Variants in MAGI1 observed in about 807,000 individuals in gnomAD.
MAGI1 encodes membrane associated guanylate kinase, WW and PDZ domain containing 1, also known as membrane-associated guanylate kinase, WW and PDZ domain-containing protein 1.
A neutral mutation model predicts 139.9 loss-of-function variants in MAGI1; 58 were observed. The ratio of observed to expected loss-of-function variants is 0.41; its 90% CI spans 0.34 to 0.52. The LOEUF (loss-of-function observed/expected upper bound fraction) is 0.52, where lower values mean the gene tolerates loss of function less well. Ranked by LOEUF, MAGI1 falls within the 20% of genes least tolerant of loss-of-function variation. MAGI1 has a pLI of 0.12. For synonymous variants in MAGI1, 812 were observed against 737.9 expected (o/e 1.10, Z -1.63); for missense variants, 1,874 against 1,901.6 (o/e 0.99, Z 0.27).
At chr3:66,032,202 G>A (rs1413606165) in intron 1 of MAGI1, among the ~76,000 whole-genome samples, 1 of 137,972 alleles carries the variant, frequency 7.2e-6, no homozygotes, top group Non-Finnish European at 1.6e-5. Flanking sequence ...ATTTTAGTGA[G>A]CACCTATTAT....
rs1015702105 is a variant in MAGI1 at position 65,495,934 on chromosome 3, C to T, written c.431-2303G>A. Among the ~76,000 whole-genome samples, 6 of 151,952 alleles carry T rather than the reference C, an allele frequency of 3.9e-5. 1 individual carries two copies. Among genetic ancestry groups the T allele is most frequent in the Admixed American group, 1.3e-4 (2 of 15,262 alleles). Reference sequence around the variant, plus strand: ...AAAAAGGGCTGGAAACGAAAGCAAGCGGCAAGATTACGTAGGCCATAGAAA... The same window carrying T: ...AAAAAGGGCTGGAAACGAAAGCAAGTGGCAAGATTACGTAGGCCATAGAAA... On this transcript the variant is annotated intron_variant, in intron 2 of 22. Coordinates refer to ENST00000402939, the MANE Select transcript of MAGI1 (RefSeq NM_001033057.2).
Position 65,416,212 on chromosome 3 carries a change from G to A in MAGI1, c.2167+13308C>T, listed in dbSNP as rs1466320090. On this transcript the variant is annotated intron_variant, in intron 12 of 22. Transcript: ENST00000402939. ...CATGCCAAGACCCCTTTTGCATACCGATTGCAAAAATAAAAGCCTAATTAA... is the reference window on the plus strand; with the variant it reads ...CATGCCAAGACCCCTTTTGCATACCAATTGCAAAAATAAAAGCCTAATTAA... Among the ~76,000 whole-genome samples the A allele has an allele frequency of 1.1e-4, 16 of 152,230 alleles. No homozygotes were observed. The East Asian group carries it at 2.9e-3, about 28-fold the overall frequency.
At chr3:65,433,155 T>C (rs1365498079) in intron 10 of MAGI1, among the ~76,000 whole-genome samples, 1 of 152,148 alleles carries the variant, frequency 6.6e-6, no homozygotes, top group Non-Finnish European at 1.5e-5. Context: ...TTTTATGTGC[T>C]CCAAAAATTT....
intron 1 of MAGI1, among the ~76,000 whole-genome samples, chr3:65,881,384 T>TG (rs1379156955): frequency 2.0e-5 from 3 of 152,098 alleles, no homozygotes; most frequent in Non-Finnish European, 4.4e-5. Context: ...CCCAGCACTT[T>TG]GGGGGGCCAA....
At chr3:65,607,086 A>G (rs559384159) in intron 2 of MAGI1, among the ~76,000 whole-genome samples, 1 of 151,908 alleles carries the variant, frequency 6.6e-6, no homozygotes, top group Non-Finnish European at 1.5e-5. Flanking sequence ...CATTTTCTAT[A>G]TATTTTGAAA....
chr3:65,584,754 T>C (rs1462567394), intron 2 of MAGI1, among the ~76,000 whole-genome samples: 1 of 152,234 alleles, frequency 6.6e-6, no homozygotes, highest in Non-Finnish European at 1.5e-5. Flanking sequence ...AGATTCAGGA[T>C]AGTGCCTCGC....
intron 1 of MAGI1, among the ~76,000 whole-genome samples, chr3:65,792,621 A>G (rs969368619): frequency 1.3e-5 from 2 of 152,218 alleles, no homozygotes; most frequent in African/African-American, 4.8e-5. Context: ...AAGCACTAGG[A>G]TACTGTCCCA....
chr3:65,708,825 T>C (rs777182545), intron 1 of MAGI1, among the ~76,000 whole-genome samples: 19 of 152,200 alleles, frequency 1.2e-4, no homozygotes, highest in Admixed American at 3.9e-4. Flanking sequence ...TTCTTCTTTT[T>C]CTTCTTCACC....
intron 1 of MAGI1, among the ~76,000 whole-genome samples, chr3:65,962,102 A>G (rs913384545): frequency 6.7e-6 from 1 of 150,340 alleles, no homozygotes; most frequent in African/African-American, 2.5e-5. Flanking sequence ...GTTTGTTCTC[A>G]TGGACATTAA....
At chr3:65,781,874 T>G (rs264105) in intron 1 of MAGI1, among the ~76,000 whole-genome samples, 76,420 of 152,054 alleles carry the variant, frequency 0.5, 19,502 homozygotes, top group Non-Finnish European at 0.55. Flanking sequence ...TCAGTGGAAG[T>G]CTGAACCATC....
chr3:65,609,814 TG>T, intron 2 of MAGI1: 1 of 309,466 alleles, frequency 3.2e-6, no homozygotes, highest in Non-Finnish European at 6.6e-6. Context: ...TGGGCTCAAA[TG>T]ATCTGCTCAT....
intron 2 of MAGI1, among the ~76,000 whole-genome samples, chr3:65,520,944 A>AAACT (rs1370975732): frequency 2.0e-5 from 3 of 152,192 alleles, no homozygotes; most frequent in Non-Finnish European, 4.4e-5. Flanking sequence ...CATATTAGCC[A>AAACT]ATTCAGTGGA....
At chr3:65,885,253 C>A (rs987370802) in intron 1 of MAGI1, among the ~76,000 whole-genome samples, 1 of 151,862 alleles carries the variant, frequency 6.6e-6, no homozygotes, top group African/African-American at 2.4e-5. Context: ...ACAAATTAGC[C>A]CGGTGTGGTG....
chr3:65,719,949 T>C (rs1221781218), intron 1 of MAGI1: 2 of 152,218 alleles, frequency 1.3e-5, no homozygotes, highest in African/African-American at 4.8e-5. Flanking sequence ...TAATTGTCTA[T>C]AGTTTATTTA....
intron 22 of MAGI1, among the ~76,000 whole-genome samples, chr3:65,358,274 C>T (rs1940419368): frequency 6.6e-6 from 1 of 152,092 alleles, no homozygotes; most frequent in East Asian, 1.9e-4. Context: ...ACAAGTCATC[C>T]ACATGACACC....
intron 10 of MAGI1, among the ~76,000 whole-genome samples, chr3:65,431,684 T>C (rs1336627988): frequency 1.3e-5 from 2 of 152,068 alleles, no homozygotes; most frequent in Non-Finnish European, 2.9e-5. Context: ...AATTCAGCTG[T>C]CTTATTTAAA....
At chr3:65,977,257 T>A (rs1270996183) in intron 1 of MAGI1, among the ~76,000 whole-genome samples, 1 of 152,160 alleles carries the variant, frequency 6.6e-6, no homozygotes, top group Non-Finnish European at 1.5e-5. Flanking sequence ...GTCAACATCA[T>A]CACTTTGTTG....
chr3:65,448,118 G>A, intron 6 of MAGI1, 61 bp from the exon 7 acceptor site: 2 of 1,479,860 alleles, frequency 1.4e-6, no homozygotes, highest in Non-Finnish European at 1.9e-6. Context: ...TCAGACACCA[G>A]CACCAAGAAA....
At chr3:65,508,708 G>A (rs1576091630) in intron 2 of MAGI1, among the ~76,000 whole-genome samples, 2 of 152,206 alleles carry the variant, frequency 1.3e-5, no homozygotes, top group African/African-American at 4.8e-5. Flanking sequence ...CTGTATTAGA[G>A]ATAATTTTCA....
Sources: gnomAD v4.1 joint callset for allele counts (sites outside exome capture counted in the v4.1 genomes callset) on GRCh38, gnomAD v4.1.1 for gene constraint, MANE v1.5 for transcripts, NCBI Gene and HGNC (gene_info 2026-07-23, HGNC 2026-07-21) for gene names.